SLC25A24: variants seen among roughly 807,000 people sequenced by gnomAD.
SLC25A24 encodes solute carrier family 25 member 24.
In SLC25A24, 49 loss-of-function variants were observed where a neutral mutation model predicts 60.7. The ratio of observed to expected loss-of-function variants is 0.81; its 90% CI spans 0.64 to 1.02. The LOEUF (loss-of-function observed/expected upper bound fraction) is 1.02. Among genes scored for constraint, SLC25A24 ranks in the 50% least tolerant of loss-of-function variants. The pLI, the probability that SLC25A24 is intolerant of heterozygous loss-of-function variation, is 0.00. For missense variants in SLC25A24, 564 were observed against 586.3 expected (o/e 0.96, Z 0.39); for synonymous variants, 202 against 200.6 (o/e 1.01, Z -0.06).
At position 108,194,589 on chromosome 1, in the gene SLC25A24, T is replaced by C. The variant is rs962110885; in HGVS notation, c.183+5367A>G. Among the ~76,000 whole-genome samples, 8 of 110,470 alleles carry C rather than the reference T, an allele frequency of 7.2e-5. 1 individual carries two copies. The highest frequency in any genetic ancestry group is 1.6e-4 in the African/African-American group (6 of 37,520). 72.5% of individuals were successfully genotyped at this position (110,470 alleles called of 152,430 possible). A position where few individuals can be genotyped will look rare whatever the true frequency, so the allele number is the denominator to read the frequency against. On this transcript the variant is annotated intron_variant, in intron 1 of 9. Coordinates refer to ENST00000565488, the MANE Select transcript of SLC25A24 (RefSeq NM_013386.5). ...AGAGTTTCATCTAATAAAAGGCAGG[T>C]AGTTTTGTTGAATAGCTCTTTCTGC...
At chr1:108,143,786 C>T (rs1368022597) in intron 7 of SLC25A24, 76 bp from the exon 8 acceptor site, 1 of 1,147,584 alleles carries the variant, frequency 8.7e-7, no homozygotes, top group African/African-American at 1.5e-5. Context: ...AGTAATTTTA[C>T]ATGGAACAAA....
At chr1:108,175,969 C>T (rs1052547909) in intron 3 of SLC25A24, among the ~76,000 whole-genome samples, 1 of 151,932 alleles carries the variant, frequency 6.6e-6, no homozygotes, top group Admixed American at 6.6e-5. Flanking sequence ...AAACACAAGG[C>T]CACAAACATC....
chr1:108,181,803 G>T, intron 3 of SLC25A24, 138 bp downstream of exon 3: 1 of 667,644 alleles, frequency 1.5e-6, no homozygotes. Flanking sequence ...AAAATGAATG[G>T]GAGGAAAAAA....
chr1:108,185,255 T>C (rs1396342593), intron 2 of SLC25A24, among the ~76,000 whole-genome samples: 1 of 152,174 alleles, frequency 6.6e-6, no homozygotes, highest in East Asian at 1.9e-4. Flanking sequence ...GAAAACAGAT[T>C]AAGACAAACT....
rs111803499 is a variant in SLC25A24, at chr1:108,175,086, C to G, written c.398+6855G>C. On this transcript the variant is annotated intron_variant, in intron 3 of 9. Transcript: ENST00000565488. ...GCTGGAAAGGCATTATTGTGTTTTGCAATGTGAGAACATGGGATTTGGGAG... is the reference window on the plus strand; with the variant it reads ...GCTGGAAAGGCATTATTGTGTTTTGGAATGTGAGAACATGGGATTTGGGAG... Among the ~76,000 whole-genome samples, 835 of 152,174 alleles carry G rather than the reference C, an allele frequency of 5.5e-3. 6 individuals are homozygous for G. The highest frequency in any genetic ancestry group is 0.02 in the African/African-American group (817 of 41,500).
chr1:108,152,051 C>T (rs1679769705), intron 6 of SLC25A24, among the ~76,000 whole-genome samples: 1 of 152,184 alleles, frequency 6.6e-6, no homozygotes, highest in Admixed American at 6.5e-5. Flanking sequence ...TAGTCTACCT[C>T]ACTCTCCCCC....
rs1679290302 is a variant in SLC25A24, at chr1:108,136,562, T to C, written c.*91A>G. 1.8e-6 allele frequency: 2 copies of C among 1,135,934 alleles called. No homozygotes were observed. Among genetic ancestry groups the C allele is most frequent in the Non-Finnish European group, 2.5e-6 (2 of 788,320 alleles). The allele number at this position is 1,135,934 out of a possible 1,614,324, so 70.4% of individuals were successfully genotyped here. A position where few individuals can be genotyped will look rare whatever the true frequency, so the allele number is the denominator to read the frequency against. ...TTTTGTGAAAAAAATGCAGCTTCTT[T>C]TGCCATAGACTTGTTTCAATTCGAG... On this transcript the variant is annotated 3_prime_UTR_variant, in exon 10 of 10. Transcript: ENST00000565488.
chr1:108,143,805 ACATATTGTCACT>A, intron 7 of SLC25A24, 95 bp from the exon 8 acceptor site: 1 of 877,536 alleles, frequency 1.1e-6, no homozygotes, highest in Non-Finnish European at 1.8e-6. Context: ...AATACCTAGC[ACATATTGTCACT>A]CAAAAGACTG....
intron 6 of SLC25A24, among the ~76,000 whole-genome samples, chr1:108,149,878 T>C (rs1271577136): frequency 6.6e-6 from 1 of 152,152 alleles, no homozygotes; most frequent in Non-Finnish European, 1.5e-5. Flanking sequence ...TGCAACAACA[T>C]ACGATGACTT....
intron 1 of SLC25A24, among the ~76,000 whole-genome samples, chr1:108,198,220 A>G (rs983747266): frequency 6.6e-6 from 1 of 152,226 alleles, no homozygotes; most frequent in Non-Finnish European, 1.5e-5. Flanking sequence ...ATTCCACTAT[A>G]GCAACACTAA....
At chr1:108,146,971 A>G (rs539394648) in intron 7 of SLC25A24, among the ~76,000 whole-genome samples, 1 of 152,352 alleles carries the variant, frequency 6.6e-6, no homozygotes, top group South Asian at 2.1e-4. Flanking sequence ...TATTGTTTGA[A>G]TAATTTCAGA....
At chr1:108,192,371 G>A (rs521545) in intron 1 of SLC25A24, 2 of 640,132 alleles carry the variant, frequency 3.1e-6, no homozygotes, top group Non-Finnish European at 5.3e-6. Context: ...GCTGGTCAAC[G>A]ACCTGAACAC....
intron 1 of SLC25A24, among the ~76,000 whole-genome samples, chr1:108,197,759 G>A (rs1360521267): frequency 6.6e-6 from 1 of 152,180 alleles, no homozygotes; most frequent in Non-Finnish European, 1.5e-5. Context: ...CAATCCTGTG[G>A]AGGATGTGAA....
At chr1:108,180,644 C>CTCTCTCTCTG (rs1647890655) in intron 3 of SLC25A24, among the ~76,000 whole-genome samples, 2 of 149,464 alleles carry the variant, frequency 1.3e-5, no homozygotes, top group African/African-American at 5.1e-5. Flanking sequence ...CTCTCTCTCT[C>CTCTCTCTCTG]TCTCTCTCTC....
intron 4 of SLC25A24, among the ~76,000 whole-genome samples, chr1:108,160,762 A>C (rs1680048426): frequency 6.6e-6 from 1 of 152,248 alleles, no homozygotes. Context: ...AGCCCGGCCA[A>C]CATAGCGAAA....
intron 1 of SLC25A24, among the ~76,000 whole-genome samples, chr1:108,198,099 G>C (rs1391801864): frequency 6.6e-6 from 1 of 152,162 alleles, no homozygotes; most frequent in Non-Finnish European, 1.5e-5. Flanking sequence ...CAGCAGGAAA[G>C]CCCTCCCCAG....
chr1:108,172,430 C>G (rs919762192), intron 3 of SLC25A24, among the ~76,000 whole-genome samples: 1 of 152,190 alleles, frequency 6.6e-6, no homozygotes, highest in East Asian at 1.9e-4. Flanking sequence ...AACATCTGCT[C>G]AGTTTCTGGT....
At chr1:108,155,439 T>C (rs772124209) in intron 5 of SLC25A24, among the ~76,000 whole-genome samples, 1 of 151,848 alleles carries the variant, frequency 6.6e-6, no homozygotes, top group Non-Finnish European at 1.5e-5. Context: ...AACTAAATTA[T>C]GTATCAGGCA....
intron 9 of SLC25A24, among the ~76,000 whole-genome samples, chr1:108,138,398 G>A (rs1447157160): frequency 6.6e-6 from 1 of 152,134 alleles, no homozygotes; most frequent in South Asian, 2.1e-4. Flanking sequence ...AGACTGACCA[G>A]GGAAAGCATC....
Sources: gnomAD v4.1 joint callset for allele counts (sites outside exome capture counted in the v4.1 genomes callset) on GRCh38, gnomAD v4.1.1 for gene constraint, MANE v1.5 for transcripts, NCBI Gene and HGNC (gene_info 2026-07-23, HGNC 2026-07-21) for gene names.